GCH1: variants seen among roughly 807,000 people sequenced by gnomAD.
The protein encoded by GCH1 is GTP cyclohydrolase I.
Under a neutral mutation model 25.9 loss-of-function variants are expected in GCH1, and 5 were observed. That is an observed-to-expected ratio of 0.19 (90% confidence interval 0.10 to 0.41). The LOEUF is 0.41. Among genes scored for constraint, GCH1 ranks in the 10% least tolerant of loss-of-function variants. GCH1 has a pLI of 1.00. For synonymous variants in GCH1, 159 were observed against 129.6 expected (o/e 1.23, Z -1.54); for missense variants, 261 against 336.5 (o/e 0.78, Z 1.75).
intron 3 of GCH1, 38 bp downstream of exon 3, chr14:54,859,643 T>C (rs2039865006): frequency 8.3e-7 from 1 of 1,198,096 alleles, no homozygotes. Context: ...GCAGGTCCTA[T>C]AAACCTGTAT....
chr14:54,869,341 T>C (rs2040036249), intron 1 of GCH1, among the ~76,000 whole-genome samples: 1 of 150,656 alleles, frequency 6.6e-6, no homozygotes. Context: ...GCCCAGCCAG[T>C]ATTAATTTCT....
chr14:54,892,549 C>G lies in GCH1; in HGVS notation c.343+9772G>C, dbSNP rs182032583. Among the ~76,000 whole-genome samples the G allele has an allele frequency of 1.9e-3, 282 of 152,140 alleles. 1 individual carries two copies. Among genetic ancestry groups the G allele is most frequent in the African/African-American group, 6.6e-3 (272 of 41,506 alleles). ...ACTAAAAATACAAAAATTAGCCAGG[C>G]ATGGTGGTGGGCACCTGTAATCCCA... is the stretch of plus-strand genomic sequence containing the variant. On this transcript the variant is annotated intron_variant, in intron 1 of 5. Transcript: ENST00000491895.
chr14:54,894,646 G>T (rs569821865), intron 1 of GCH1, among the ~76,000 whole-genome samples: 33 of 152,214 alleles, frequency 2.2e-4, no homozygotes, highest in African/African-American at 6.5e-4. Flanking sequence ...ATTTTTAAAA[G>T]AAACTATTAG....
At chr14:54,881,750 A>C (rs1429922065) in intron 1 of GCH1, among the ~76,000 whole-genome samples, 1 of 152,228 alleles carries the variant, frequency 6.6e-6, no homozygotes, top group African/African-American at 2.4e-5. Flanking sequence ...GTATTGCAAA[A>C]AAAGTAAAAG....
intron 1 of GCH1, among the ~76,000 whole-genome samples, chr14:54,894,402 C>A (rs1023522784): frequency 6.6e-6 from 1 of 152,168 alleles, no homozygotes; most frequent in Non-Finnish European, 1.5e-5. Context: ...CAGCCTCCCC[C>A]ACTACAGGTT....
At chr14:54,870,831 A>T (rs1276827426) in intron 1 of GCH1, among the ~76,000 whole-genome samples, 2 of 152,238 alleles carry the variant, frequency 1.3e-5, no homozygotes, top group Non-Finnish European at 1.5e-5. Context: ...AGGCTTGAGT[A>T]GGTAAACAAA....
At chr14:54,867,285 C>T (rs748268057) in intron 1 of GCH1, among the ~76,000 whole-genome samples, 10 of 152,018 alleles carry the variant, frequency 6.6e-5, no homozygotes, top group African/African-American at 9.7e-5. Flanking sequence ...TCAACTCAGG[C>T]GAAGTGAAGA....
At chr14:54,857,161 T>C (rs1224829022) in intron 3 of GCH1, among the ~76,000 whole-genome samples, 1 of 152,228 alleles carries the variant, frequency 6.6e-6, no homozygotes, top group Non-Finnish European at 1.5e-5. Flanking sequence ...AACATACACT[T>C]GGTTCTTTGG....
At chr14:54,865,883 A>G (rs908663381) in intron 1 of GCH1, among the ~76,000 whole-genome samples, 1 of 152,222 alleles carries the variant, frequency 6.6e-6, no homozygotes, top group African/African-American at 2.4e-5. Flanking sequence ...GGCCAGATCC[A>G]GACACCTGTA....
chr14:54,866,376 G>A (rs1046691639), intron 1 of GCH1, among the ~76,000 whole-genome samples: 2 of 151,990 alleles, frequency 1.3e-5, no homozygotes, highest in Non-Finnish European at 2.9e-5. Context: ...ATATGACATG[G>A]AAACTTCTTC....
chr14:54,865,687 G>C (rs1456898525), intron 1 of GCH1, among the ~76,000 whole-genome samples: 1 of 152,170 alleles, frequency 6.6e-6, no homozygotes, highest in Non-Finnish European at 1.5e-5. Flanking sequence ...GTATGGAAGA[G>C]GAAGGAGAAC....
At chr14:54,887,066 T>A (rs1348184803) in intron 1 of GCH1, among the ~76,000 whole-genome samples, 3 of 152,258 alleles carry the variant, frequency 2.0e-5, no homozygotes, top group Non-Finnish European at 4.4e-5. Flanking sequence ...TTTATTTGGC[T>A]TATTTGAGGG....
chr14:54,863,989 G>C (rs2039957225), intron 2 of GCH1, among the ~76,000 whole-genome samples: 2 of 152,098 alleles, frequency 1.3e-5, no homozygotes, highest in South Asian at 4.2e-4. Flanking sequence ...CTCCCGAGTA[G>C]CTGGCAGTAC....
intron 1 of GCH1, among the ~76,000 whole-genome samples, chr14:54,893,811 G>A (rs549828498): frequency 2.0e-5 from 3 of 152,272 alleles, no homozygotes; most frequent in South Asian, 2.1e-4. Flanking sequence ...AACATCAGTC[G>A]GCTTAAGCAT....
chr14:54,845,655 TATC>T (rs2039630959), intron 5 of GCH1, 110 bp downstream of exon 5: 6 of 767,422 alleles, frequency 7.8e-6, no homozygotes, highest in Admixed American at 1.8e-5. Context: ...AATCTACAGT[TATC>T]ATATCAGTTG....
chr14:54,894,971 G>A (rs1409325064), intron 1 of GCH1, among the ~76,000 whole-genome samples: 1 of 152,106 alleles, frequency 6.6e-6, no homozygotes, highest in Non-Finnish European at 1.5e-5. Flanking sequence ...CCATGATATA[G>A]GAGAGAATAG....
Position 54,880,858 on chromosome 14 carries a change from T to TATATAC in GCH1, c.344-15423_344-15422insGTATAT, listed in dbSNP as rs1566677402. Among the ~76,000 whole-genome samples the TATATAC allele has an allele frequency of 5.7e-3, 524 of 91,934 alleles. 143 individuals carry two copies. The highest frequency in any genetic ancestry group is 0.035 in the African/African-American group (504 of 14,468). 60.3% of individuals were successfully genotyped at this position (91,934 alleles called of 152,430 possible). A position where few individuals can be genotyped will look rare whatever the true frequency, so the allele number is the denominator to read the frequency against. On this transcript the variant is annotated intron_variant, in intron 1 of 5. Coordinates refer to ENST00000491895, the MANE Select transcript of GCH1 (RefSeq NM_000161.3). ...TATATATATATACTCCATATATATATACTCCATAATATATGGAGTGTAATG... is the reference window on the plus strand; with the variant it reads ...TATATATATATACTCCATATATATATATATACACTCCATAATATATGGAGTGTAATG...
At chr14:54,871,637 CAG>C (rs1163864654) in intron 1 of GCH1, among the ~76,000 whole-genome samples, 4 of 152,166 alleles carry the variant, frequency 2.6e-5, no homozygotes, top group Non-Finnish European at 5.9e-5. Flanking sequence ...ATAACCAATG[CAG>C]AGAAGTCCTT....
intron 1 of GCH1, among the ~76,000 whole-genome samples, chr14:54,881,190 T>TA (rs2040267229): frequency 1.3e-5 from 2 of 151,944 alleles, no homozygotes; most frequent in Admixed American, 1.3e-4. Context: ...TCTATAAAAA[T>TA]AAAAAAATTT....
Sources: allele counts gnomAD v4.1 joint callset (sites outside exome capture counted in the v4.1 genomes callset), GRCh38; gene constraint gnomAD v4.1.1; transcripts MANE v1.5; gene names NCBI Gene and HGNC (gene_info 2026-07-23, HGNC 2026-07-21).